SIDT1: variants seen among roughly 807,000 people sequenced by gnomAD.
SIDT1 encodes the protein SID1 transmembrane family, member 1.
In SIDT1, 101 loss-of-function variants were observed where a neutral mutation model predicts 107.5. That is an observed-to-expected ratio of 0.94 (90% CI 0.80 to 1.11). The LOEUF is 1.11. Ranked by LOEUF, SIDT1 falls within the 50% of genes least tolerant of loss-of-function variation. The pLI is 0.00. For synonymous variants in SIDT1, 395 were observed against 398.2 expected (o/e 0.99, Z 0.10); for missense variants, 1,076 against 1,058.2 (o/e 1.02, Z -0.23).
intron 10 of SIDT1, among the ~76,000 whole-genome samples, chr3:113,595,576 C>T (rs1944485728): frequency 6.8e-6 from 1 of 146,860 alleles, no homozygotes; most frequent in Admixed American, 6.7e-5. Flanking sequence ...AAGACCGTGT[C>T]TCAAAAAAAA....
At chr3:113,574,045 A>T (rs555073387) in intron 3 of SIDT1, among the ~76,000 whole-genome samples, 6 of 152,326 alleles carry the variant, frequency 3.9e-5, no homozygotes, top group South Asian at 2.1e-4. Flanking sequence ...ATAGGATGAC[A>T]TTAAAGGATG....
intron 17 of SIDT1, among the ~76,000 whole-genome samples, chr3:113,608,839 C>T (rs1018393486): frequency 3.3e-5 from 5 of 152,242 alleles, no homozygotes; most frequent in East Asian, 1.9e-4. Context: ...TTTGATTGTA[C>T]CCAGCCTGTA....
intron 1 of SIDT1, among the ~76,000 whole-genome samples, chr3:113,539,995 A>G (rs1209932174): frequency 7.0e-6 from 1 of 142,210 alleles, no homozygotes; most frequent in Non-Finnish European, 1.5e-5. Flanking sequence ...CAACAGTGAA[A>G]CTCCGTCTCA....
chr3:113,589,094 G>A (rs927760237), intron 9 of SIDT1, among the ~76,000 whole-genome samples: 4 of 152,162 alleles, frequency 2.6e-5, no homozygotes, highest in South Asian at 4.1e-4. Context: ...ATGCAGATTC[G>A]GAATTAGCAC....
intron 14 of SIDT1, among the ~76,000 whole-genome samples, chr3:113,605,893 A>G (rs1035412475): frequency 1.3e-5 from 2 of 151,862 alleles, no homozygotes; most frequent in Non-Finnish European, 2.9e-5. Context: ...GGTCCCAGCT[A>G]CTCGGGAGGC....
In SIDT1 at chr3:113,553,032, CA is replaced by C. The variant is rs780160382; in HGVS notation, c.223-13387del. On this transcript the variant is annotated intron_variant, in intron 1 of 24. Transcript: ENST00000264852. Reference sequence around the variant, plus strand: ...GACATAGGCAGGAACCAAGATGTGACAGGGGGAAAAGCTGGGGTGTTGCTGC... The same window carrying C: ...GACATAGGCAGGAACCAAGATGTGACGGGGGAAAAGCTGGGGTGTTGCTGC... 6.6e-5 allele frequency among the ~76,000 whole-genome samples: 10 copies of C among 152,240 alleles called. 1 individual carries two copies. Among genetic ancestry groups the C allele is most frequent in the East Asian group, 1.9e-4 (1 of 5,182 alleles).
At chr3:113,633,123 TA>T (rs1947104044), downstream of SIDT1, 1 of 152,108 alleles carries the variant, frequency 6.6e-6, no homozygotes, top group Non-Finnish European at 1.5e-5. Context: ...CTCGAGAGCA[TA>T]TTTGGTTCTG....
chr3:113,556,852 C>T (rs1290858328), intron 1 of SIDT1, among the ~76,000 whole-genome samples: 1 of 105,474 alleles, frequency 9.5e-6, no homozygotes, highest in Non-Finnish European at 1.8e-5. Context: ...TAGAGTCTGG[C>T]TCTGTCACCC....
downstream of SIDT1, among the ~76,000 whole-genome samples, chr3:113,630,315 G>C (rs1947080391): frequency 6.6e-6 from 1 of 152,162 alleles, no homozygotes; most frequent in Non-Finnish European, 1.5e-5. Context: ...ACAAATGCTG[G>C]AGAAGCAGCC....
At chr3:113,605,041 G>A in intron 14 of SIDT1, 65 bp downstream of exon 14, 2 of 1,554,050 alleles carry the variant, frequency 1.3e-6, no homozygotes, top group Non-Finnish European at 8.8e-7. Flanking sequence ...AGTCTCCACT[G>A]TGACTGACAG....
intron 3 of SIDT1, among the ~76,000 whole-genome samples, chr3:113,575,774 T>G (rs963086694): frequency 6.6e-6 from 1 of 152,216 alleles, no homozygotes; most frequent in African/African-American, 2.4e-5. Context: ...AAAGAAATCA[T>G]TACTTTTAAA....
Position 113,580,603 on chromosome 3 carries a change from C to T in SIDT1, c.562-5C>T. On this transcript the variant is annotated splice_polypyrimidine_tract_variant and splice_region_variant and intron_variant, in intron 4 of 24. Transcript: ENST00000264852. ...AAATCATGTCTTTCTTTTTCTTATTCTCAGTATTTTCTATACAAGTTTCCC... is the reference window on the plus strand; with the variant it reads ...AAATCATGTCTTTCTTTTTCTTATTTTCAGTATTTTCTATACAAGTTTCCC... 6.5e-7 allele frequency: 1 copy of T among 1,547,610 alleles called. No individual in the cohort carries two copies. Among genetic ancestry groups the T allele is most frequent in the Non-Finnish European group, 8.9e-7 (1 of 1,120,488 alleles).
chr3:113,631,093 A>G (rs1947090513), downstream of SIDT1, among the ~76,000 whole-genome samples: 1 of 152,188 alleles, frequency 6.6e-6, no homozygotes, highest in East Asian at 1.9e-4. Flanking sequence ...GATGAAAAAA[A>G]AATGCTTCCA....
At chr3:113,539,943 G>T (rs961463100) in intron 1 of SIDT1, among the ~76,000 whole-genome samples, 2 of 151,410 alleles carry the variant, frequency 1.3e-5, no homozygotes, top group Non-Finnish European at 2.9e-5. Flanking sequence ...GGCGGAGGCT[G>T]CAGTGAGCCG....
intron 1 of SIDT1, among the ~76,000 whole-genome samples, chr3:113,549,797 T>A (rs914432213): frequency 6.6e-6 from 1 of 152,220 alleles, no homozygotes. Flanking sequence ...TGGTGATGTA[T>A]ATAAAAAGCT....
chr3:113,582,919 A>G (rs576000264), intron 6 of SIDT1, among the ~76,000 whole-genome samples: 2 of 152,276 alleles, frequency 1.3e-5, no homozygotes, highest in Admixed American at 6.5e-5. Context: ...CACTTCATTC[A>G]TGGATGAGGA....
chr3:113,582,128 A>G (rs533714578), intron 6 of SIDT1, among the ~76,000 whole-genome samples: 1 of 152,368 alleles, frequency 6.6e-6, no homozygotes, highest in African/African-American at 2.4e-5. Context: ...AATTCTGAAC[A>G]GAATGGACAG....
At chr3:113,557,984 A>G (rs1354340004) in intron 1 of SIDT1, among the ~76,000 whole-genome samples, 1 of 152,232 alleles carries the variant, frequency 6.6e-6, no homozygotes, top group Admixed American at 6.5e-5. Context: ...GTGCTTCTTC[A>G]GCACCACATC....
chr3:113,634,472 C>A (rs1947111438), downstream of SIDT1, among the ~76,000 whole-genome samples: 1 of 152,088 alleles, frequency 6.6e-6, no homozygotes. Flanking sequence ...GCCTGGCCAA[C>A]ATGACAAAAC....
Sources: gnomAD v4.1 joint callset for allele counts (sites outside exome capture counted in the v4.1 genomes callset) on GRCh38, gnomAD v4.1.1 for gene constraint, MANE v1.5 for transcripts, NCBI Gene and HGNC (gene_info 2026-07-23, HGNC 2026-07-21) for gene names.